Variants in ATXN7 observed in about 807,000 individuals in gnomAD.
ATXN7 encodes the protein ataxin 7, also known as ataxin-7.
ATXN7 carries 12 observed loss-of-function variants against 70.5 expected under a neutral mutation model. The ratio of observed to expected loss-of-function variants is 0.17; its 90% CI spans 0.11 to 0.28. The LOEUF (loss-of-function observed/expected upper bound fraction) is 0.28. ATXN7 is among the 10% of genes least tolerant of loss of function. The pLI is 1.00. For synonymous variants in ATXN7, 498 were observed against 448.7 expected, an observed-to-expected ratio of 1.11 and a Z score of -1.39; for missense variants, 1,256 against 1,131.7, an observed-to-expected ratio of 1.11 and a Z score of -1.58.
At chr3:63,923,360 T>C (rs1575900735) in intron 4 of ATXN7, among the ~76,000 whole-genome samples, 1 of 152,232 alleles carries the variant, frequency 6.6e-6, no homozygotes, top group East Asian at 1.9e-4. Context: ...GGAAGTGAGA[T>C]ACAGTAAATA....
intron 5 of ATXN7, chr3:63,968,043 G>A (rs2075255272): frequency 7.7e-7 from 1 of 1,301,628 alleles, no homozygotes; most frequent in Non-Finnish European, 1.1e-6. Context: ...TGAGCCTGTG[G>A]ACGGTGGGGT....
intron 4 of ATXN7, among the ~76,000 whole-genome samples, chr3:63,948,537 G>A (rs1019472448): frequency 6.6e-6 from 1 of 152,106 alleles, no homozygotes; most frequent in South Asian, 2.1e-4. Flanking sequence ...AGGGAGACAC[G>A]CAGGGTACTG....
chr3:63,873,555 G>A (rs1199838482), intron 1 of ATXN7, among the ~76,000 whole-genome samples: 2 of 152,212 alleles, frequency 1.3e-5, no homozygotes, highest in Non-Finnish European at 2.9e-5. Context: ...GGGAATTGAT[G>A]GAGGGCAGGT....
At chr3:63,965,434 C>T (rs868337692) in intron 5 of ATXN7, among the ~76,000 whole-genome samples, 1 of 152,072 alleles carries the variant, frequency 6.6e-6, no homozygotes, top group East Asian at 1.9e-4. Flanking sequence ...CTGTTTGCTG[C>T]GAATAGGCTA....
chr3:63,957,618 C>A (rs2106678577), intron 5 of ATXN7, among the ~76,000 whole-genome samples: 1 of 152,280 alleles, frequency 6.6e-6, no homozygotes, highest in East Asian at 1.9e-4. Context: ...GATGCTTTTG[C>A]CAGTGCTGGC....
chr3:63,875,513 G>A (rs1016240936), intron 1 of ATXN7, among the ~76,000 whole-genome samples: 1 of 152,176 alleles, frequency 6.6e-6, no homozygotes, highest in African/African-American at 2.4e-5. Flanking sequence ...TGCCTTGGAG[G>A]CCCAGCATCT....
At chr3:63,929,253 T>TTC (rs1306394597) in intron 4 of ATXN7, among the ~76,000 whole-genome samples, 22 of 151,160 alleles carry the variant, frequency 1.5e-4, no homozygotes, top group South Asian at 8.4e-4. Context: ...CTAGGAAGCT[T>TTC]TCTCTCTCTC....
chr3:63,929,725 A>G (rs1704869632), intron 4 of ATXN7, among the ~76,000 whole-genome samples: 1 of 152,138 alleles, frequency 6.6e-6, no homozygotes, highest in Non-Finnish European at 1.5e-5. Flanking sequence ...CAGAAAGGAA[A>G]TAAGTTCAAA....
chr3:63,952,457 A>C lies in ATXN7; in HGVS notation c.473A>C (p.Lys158Thr). 6.2e-7 allele frequency: 1 copy of C among 1,611,790 alleles called. No individual in the cohort carries two copies. The highest frequency in any genetic ancestry group is 8.5e-7 in the Non-Finnish European group (1 of 1,179,174). ...VVCNDCNQVV[K>T]PQAFQSHYER... ...TGTAACGACTGTAATCAGGTTGTCA[A>C]ACCGCAGGCATTTCAATCACATTAT... Residue 158 changes from lysine (K) to threonine (T), a missense_variant, in exon 5 of 13, where the codon AAA becomes ACA. Physicochemically the swap from Lys to Thr is moderately conservative, Grantham distance 78 (BLOSUM62 -1). Coordinates refer to ENST00000674280, the MANE Select transcript of ATXN7 (RefSeq NM_001377405.1).
At chr3:63,944,931 A>G (rs2074834061) in intron 4 of ATXN7, among the ~76,000 whole-genome samples, 3 of 152,126 alleles carry the variant, frequency 2.0e-5, no homozygotes, top group South Asian at 4.1e-4. Flanking sequence ...AGCTGCAATT[A>G]CAAGTGTAAA....
intron 11 of ATXN7, among the ~76,000 whole-genome samples, chr3:63,993,873 T>A (rs1030304949): frequency 6.6e-6 from 1 of 152,100 alleles, no homozygotes; most frequent in African/African-American, 2.4e-5. Context: ...TTCTGAATGC[T>A]CCAGAATCAC....
Position 63,990,356 on chromosome 3 carries a change from T to C in ATXN7, c.1542T>C (p.His514=). The change falls in exon 10 of 13, where the codon CAT becomes CAC. Residue 514 remains histidine, a synonymous_variant. Coordinates refer to ENST00000674280, the MANE Select transcript of ATXN7 (RefSeq NM_001377405.1). ...VEKLDCHYSG[H]HPQPASFCTF... Reference sequence around the variant, plus strand: ...AACTGGACTGTCATTATTCAGGTCATCATCCTCAGCCAGCATCTGTAAGTT... The same window carrying C: ...AACTGGACTGTCATTATTCAGGTCACCATCCTCAGCCAGCATCTGTAAGTT... 1 of 1,614,162 alleles carries C rather than the reference T, an allele frequency of 6.2e-7. No homozygotes were observed. The highest frequency in any genetic ancestry group is 1.1e-5 in the South Asian group (1 of 91,086).
intron 11 of ATXN7, among the ~76,000 whole-genome samples, chr3:63,994,000 A>G (rs142272652): frequency 5.9e-5 from 9 of 152,194 alleles, no homozygotes; most frequent in Admixed American, 2.0e-4. Context: ...ACCCTCCTCT[A>G]TGAGTAGTGC....
At chr3:63,942,035 C>T (rs1053226144) in intron 4 of ATXN7, among the ~76,000 whole-genome samples, 1 of 152,128 alleles carries the variant, frequency 6.6e-6, no homozygotes, top group Non-Finnish European at 1.5e-5. Flanking sequence ...AACAATGGAG[C>T]CGAGAGTCCT....
At chr3:63,935,589 G>A (rs958405540) in intron 4 of ATXN7, among the ~76,000 whole-genome samples, 1 of 152,100 alleles carries the variant, frequency 6.6e-6, no homozygotes, top group Non-Finnish European at 1.5e-5. Flanking sequence ...TTTTTCCCCA[G>A]TAGTGAGCTC....
intron 1 of ATXN7, among the ~76,000 whole-genome samples, chr3:63,893,804 C>G (rs916770731): frequency 2.3e-5 from 3 of 129,776 alleles, no homozygotes; most frequent in East Asian, 2.2e-4. Context: ...CTCTCTAACC[C>G]TTGAAGAGGG....
chr3:63,988,463 G>GA (rs1042028888), intron 9 of ATXN7, 139 bp downstream of exon 9: 46,667 of 837,636 alleles, frequency 0.056, 4 homozygotes, highest in Middle Eastern at 0.073. Context: ...GTTTTACTAT[G>GA]AAAAAAAAAA....
upstream of ATXN7, chr3:63,863,503 C>T (rs1702288843): frequency 8.4e-7 from 1 of 1,183,800 alleles, no homozygotes; most frequent in African/African-American, 1.6e-5. Context: ...TCCCGGCACA[C>T]CCTATAGCCC....
intron 1 of ATXN7, among the ~76,000 whole-genome samples, chr3:63,875,362 G>T (rs1702720249): frequency 6.6e-6 from 1 of 152,160 alleles, no homozygotes; most frequent in Admixed American, 6.5e-5. Context: ...AAAGTGCTGG[G>T]ATTACAGGTG....
Sources: gnomAD v4.1 joint callset for allele counts (sites outside exome capture counted in the v4.1 genomes callset) on GRCh38, gnomAD v4.1.1 for gene constraint, MANE v1.5 for transcripts, NCBI Gene and HGNC (gene_info 2026-07-23, HGNC 2026-07-21) for gene names.